The following VAV3 variants were observed in gnomAD, a reference collection of about 807,000 sequenced individuals.
VAV3 encodes the protein guanine nucleotide exchange factor VAV3.
In VAV3, 94 loss-of-function variants were observed where a neutral mutation model predicts 131.2. The ratio of observed to expected loss-of-function variants is 0.72; its 90% confidence interval spans 0.61 to 0.85. The LOEUF is 0.85. Ranked by LOEUF, VAV3 falls within the 40% of genes least tolerant of loss-of-function variation. The pLI is 0.00. For synonymous variants in VAV3, 349 were observed against 342.0 expected, an observed-to-expected ratio of 1.02 and a Z score of -0.22; for missense variants, 939 against 1,002.7, an observed-to-expected ratio of 0.94 and a Z score of 0.86.
intron 19 of VAV3, among the ~76,000 whole-genome samples, chr1:107,674,685 A>G (rs114664609): frequency 7.2e-5 from 11 of 152,284 alleles, no homozygotes; most frequent in African/African-American, 2.6e-4. Flanking sequence ...ACCTCTCAGA[A>G]CTTTGGTTCC....
At chr1:107,926,010 C>A (rs149508554) in intron 1 of VAV3, among the ~76,000 whole-genome samples, 1 of 151,530 alleles carries the variant, frequency 6.6e-6, no homozygotes, top group Non-Finnish European at 1.5e-5. Context: ...GGGCCAGGTG[C>A]GGTGGCTGCC....
chr1:107,637,272 C>T (rs767077632), intron 20 of VAV3, among the ~76,000 whole-genome samples: 2 of 151,790 alleles, frequency 1.3e-5, no homozygotes, highest in Non-Finnish European at 2.9e-5. Flanking sequence ...CAAACTCACT[C>T]GAGGAGAAGA....
At chr1:107,927,534 A>G (rs74109680) in intron 1 of VAV3, among the ~76,000 whole-genome samples, 5,690 of 151,962 alleles carry the variant, frequency 0.037, 126 homozygotes, top group East Asian at 0.1. Flanking sequence ...GGACCTGCCC[A>G]GCAACAGAGA....
intron 15 of VAV3, among the ~76,000 whole-genome samples, chr1:107,743,455 G>A (rs1313820669): frequency 1.3e-5 from 2 of 152,268 alleles, no homozygotes; most frequent in Non-Finnish European, 2.9e-5. Context: ...GGGGTTAAAG[G>A]AAGAGATGAT....
chr1:107,871,068 G>T (rs1466197708), intron 2 of VAV3, among the ~76,000 whole-genome samples: 6 of 152,082 alleles, frequency 3.9e-5, no homozygotes, highest in African/African-American at 1.4e-4. Flanking sequence ...ATAAACTGAC[G>T]ATTGAAACAG....
At chr1:107,669,434 G>A (rs1325317301) in intron 19 of VAV3, 17 of 1,289,496 alleles carry the variant, frequency 1.3e-5, no homozygotes, top group Non-Finnish European at 1.6e-5. Context: ...CTAGTAGCAG[G>A]GGCCATGGAA....
At chr1:107,652,612 T>C (rs1025917600) in intron 19 of VAV3, among the ~76,000 whole-genome samples, 1 of 152,104 alleles carries the variant, frequency 6.6e-6, no homozygotes, top group Non-Finnish European at 1.5e-5. Flanking sequence ...AGTATCTATC[T>C]CCTCTTGTTT....
chr1:107,712,852 T>C (rs1036511098), intron 15 of VAV3, among the ~76,000 whole-genome samples: 20 of 152,128 alleles, frequency 1.3e-4, no homozygotes, highest in Admixed American at 1.3e-3. Flanking sequence ...CAAAGAAAGA[T>C]CACGTTAGGA....
At chr1:107,662,005 T>G (rs1485621621) in intron 19 of VAV3, among the ~76,000 whole-genome samples, 1 of 152,232 alleles carries the variant, frequency 6.6e-6, no homozygotes, top group Non-Finnish European at 1.5e-5. Context: ...TATGTGCCTA[T>G]AAGCAAAAGA....
At chr1:107,613,258 A>C (rs1203356221) in intron 21 of VAV3, among the ~76,000 whole-genome samples, 1 of 152,112 alleles carries the variant, frequency 6.6e-6, no homozygotes, top group Admixed American at 6.6e-5. Context: ...TTGACTCTGA[A>C]GATTAGTTTT....
At chr1:107,944,836 G>A (rs1224490202) in intron 1 of VAV3, among the ~76,000 whole-genome samples, 2 of 152,120 alleles carry the variant, frequency 1.3e-5, no homozygotes, top group Non-Finnish European at 2.9e-5. Flanking sequence ...GAACTCCTGA[G>A]CTCTGGCAAT....
chr1:107,751,390 C>T (rs570872819), intron 12 of VAV3, among the ~76,000 whole-genome samples, 188 bp from the exon 13 acceptor site: 1 of 152,238 alleles, frequency 6.6e-6, no homozygotes, highest in South Asian at 2.1e-4. Flanking sequence ...CCTCTGTAAT[C>T]CCAGGGGGTA....
intron 19 of VAV3, among the ~76,000 whole-genome samples, chr1:107,652,315 T>C (rs1488030213): frequency 1.3e-5 from 2 of 152,110 alleles, no homozygotes; most frequent in African/African-American, 2.4e-5. Flanking sequence ...AGGGGAGGCA[T>C]GAATAATCCA....
intron 2 of VAV3, among the ~76,000 whole-genome samples, chr1:107,796,171 A>G (rs1281053619): frequency 6.6e-6 from 1 of 152,102 alleles, no homozygotes; most frequent in African/African-American, 2.4e-5. Flanking sequence ...CCATGCAACC[A>G]GCATGAGACT....
rs139792407 is a variant in VAV3, at chr1:107,900,177, T to C, written c.205-25160A>G. ...CAGTTACACATGGATAGAAATACAT[T>C]TGCTACATAGACTACAAGCTTCGAC... On this transcript the variant is annotated intron_variant, in intron 1 of 26. Transcript: ENST00000370056. Among the ~76,000 whole-genome samples, 345 of 152,260 alleles carry C rather than the reference T, an allele frequency of 2.3e-3. 10 individuals carry two copies. Among genetic ancestry groups the C allele is most frequent in the Admixed American group, 0.019 (294 of 15,290 alleles).
At chr1:107,686,765 C>A (rs1659057111) in intron 18 of VAV3, among the ~76,000 whole-genome samples, 1 of 152,102 alleles carries the variant, frequency 6.6e-6, no homozygotes, top group South Asian at 2.1e-4. Flanking sequence ...TTCCTTGTAT[C>A]ATAGGCTTAC....
At chr1:107,588,277 A>G (rs1335155015) in intron 25 of VAV3, among the ~76,000 whole-genome samples, 1 of 152,274 alleles carries the variant, frequency 6.6e-6, no homozygotes, top group Non-Finnish European at 1.5e-5. Flanking sequence ...AGAGAGAAGA[A>G]TATAAAAATG....
chr1:107,836,721 T>C (rs1249936974), intron 2 of VAV3, among the ~76,000 whole-genome samples: 2 of 152,040 alleles, frequency 1.3e-5, no homozygotes, highest in African/African-American at 4.8e-5. Context: ...TGATCAAAAA[T>C]GGCAGATGAC....
chr1:107,762,116 C>CAA (rs34560210), intron 9 of VAV3, among the ~76,000 whole-genome samples: 1,626 of 107,794 alleles, frequency 0.015, 31 homozygotes, highest in African/African-American at 0.056. Flanking sequence ...TGGTGTTCTT[C>CAA]AAAAAAAAAA....
Sources: gnomAD v4.1 joint callset for allele counts (sites outside exome capture counted in the v4.1 genomes callset) on GRCh38, gnomAD v4.1.1 for gene constraint, MANE v1.5 for transcripts, NCBI Gene and HGNC (gene_info 2026-07-23, HGNC 2026-07-21) for gene names.